The following EXOC6 variants were observed in gnomAD, a reference collection of about 807,000 sequenced individuals.
EXOC6 encodes exocyst complex component 6.
In EXOC6, 60 loss-of-function variants were observed where a neutral mutation model predicts 112.5. That is an observed-to-expected ratio of 0.53 (90% CI 0.43 to 0.66). The LOEUF (loss-of-function observed/expected upper bound fraction) is 0.66, where lower values mean the gene tolerates loss of function less well. EXOC6 is among the 30% of genes least tolerant of loss of function. The pLI, the probability that EXOC6 is intolerant of heterozygous loss-of-function variation, is 0.00. For synonymous variants in EXOC6, 295 were observed against 308.0 expected (o/e 0.96, Z 0.44); for missense variants, 855 against 957.1 (o/e 0.89, Z 1.41).
In EXOC6 at chr10:92,997,542, A is replaced by G. The variant is rs753585510; in HGVS notation, c.2022A>G (p.Leu674=). The change falls in exon 19 of 22, where the codon CTA becomes CTG. Residue 674 remains leucine (L), a synonymous_variant. Coordinates refer to ENST00000260762, the MANE Select transcript of EXOC6 (RefSeq NM_019053.6). ...TGTCAACATCCTTAATGCAGATGCT[A>G]CTGGACAGTGAGTTAAAACAAATAA... ...QHLSTSLMQM[L]LDSELKQISM... 5 of 1,613,726 alleles carry G rather than the reference A, an allele frequency of 3.1e-6. No homozygotes were observed. The highest frequency in any genetic ancestry group is 1.7e-5 in the Admixed American group (1 of 60,006).
chr10:92,858,260 A>C (rs1463172177), intron 1 of EXOC6, among the ~76,000 whole-genome samples: 1 of 152,062 alleles, frequency 6.6e-6, no homozygotes, highest in African/African-American at 2.4e-5. Flanking sequence ...ATGTAGGTTA[A>C]TGTTTTTCAT....
chr10:93,049,961 G>A (rs1181181501), intron 20 of EXOC6, among the ~76,000 whole-genome samples: 1 of 152,036 alleles, frequency 6.6e-6, no homozygotes, highest in Non-Finnish European at 1.5e-5. Context: ...TGAGATGGTT[G>A]CACAATTCTG....
intron 20 of EXOC6, among the ~76,000 whole-genome samples, chr10:93,039,447 C>T (rs757203720): frequency 2.0e-5 from 3 of 152,048 alleles, no homozygotes; most frequent in African/African-American, 2.4e-5. Flanking sequence ...AAAATCTAAC[C>T]CCTGGCTCCA....
At chr10:92,897,968 C>T (rs1173509514) in intron 4 of EXOC6, among the ~76,000 whole-genome samples, 1 of 152,190 alleles carries the variant, frequency 6.6e-6, no homozygotes, top group African/African-American at 2.4e-5. Flanking sequence ...GTGTCATGGG[C>T]ATGCCCTTAA....
chr10:92,958,625 C>G (rs1045352700), intron 17 of EXOC6, among the ~76,000 whole-genome samples: 9 of 152,216 alleles, frequency 5.9e-5, no homozygotes, highest in African/African-American at 2.2e-4. Flanking sequence ...TTCTTCCCAA[C>G]TTGATCTACA....
intron 20 of EXOC6, among the ~76,000 whole-genome samples, chr10:93,055,431 C>G (rs1846491508): frequency 6.6e-6 from 1 of 152,132 alleles, no homozygotes; most frequent in Admixed American, 6.5e-5. Context: ...CTCGAAGTTG[C>G]ATTCCAAGAA....
chr10:92,879,323 G>A (rs1489679139), intron 1 of EXOC6, among the ~76,000 whole-genome samples: 1 of 152,124 alleles, frequency 6.6e-6, no homozygotes, highest in African/African-American at 2.4e-5. Flanking sequence ...AAGAAAATTA[G>A]CTGGGCATGG....
chr10:92,956,729 G>A (rs1853714578), intron 17 of EXOC6, among the ~76,000 whole-genome samples: 1 of 152,014 alleles, frequency 6.6e-6, no homozygotes, highest in African/African-American at 2.4e-5. Flanking sequence ...AAACTTAGAA[G>A]CCTAAAAAAG....
At chr10:92,924,766 A>G (rs1321094706) in intron 8 of EXOC6, among the ~76,000 whole-genome samples, 1 of 152,092 alleles carries the variant, frequency 6.6e-6, no homozygotes, top group Non-Finnish European at 1.5e-5. Context: ...CTAGGCTTTT[A>G]GTGTACTTGT....
chr10:92,930,504 AAAT>A (rs10638557), intron 9 of EXOC6, among the ~76,000 whole-genome samples: 3 of 149,244 alleles, frequency 2.0e-5, no homozygotes, highest in African/African-American at 2.5e-5. Context: ...ACTCTGTCTC[AAAT>A]AATAATAATA....
At chr10:92,966,435 C>T (rs887909488) in intron 17 of EXOC6, among the ~76,000 whole-genome samples, 2 of 99,640 alleles carry the variant, frequency 2.0e-5, no homozygotes, top group Non-Finnish European at 3.9e-5. Flanking sequence ...TATCCCTCCC[C>T]CCTCCCCCCA....
In EXOC6 at chr10:92,911,237, C is replaced by T. The variant is rs563149031; in HGVS notation, c.663+1606C>T. ...TTTTTTTTCCCCCAAGTATTACAAA[C>T]TACTTTGGAAACTCCTAAGTCTTTC... On this transcript the variant is annotated intron_variant, in intron 6 of 21. Transcript: ENST00000260762. Among the ~76,000 whole-genome samples, 7 of 152,218 alleles carry T rather than the reference C, an allele frequency of 4.6e-5. No individual in the cohort carries two copies. The South Asian group carries it at 1.5e-3, about 32-fold the overall frequency.
At chr10:92,848,676 C>CG in intron 1 of EXOC6, 42 bp downstream of exon 1, 1 of 1,294,396 alleles carries the variant, frequency 7.7e-7, no homozygotes, top group Non-Finnish European at 1.0e-6. Context: ...CCCCGCCCCA[C>CG]GCCGGCCGCT....
intron 20 of EXOC6, among the ~76,000 whole-genome samples, chr10:93,017,925 A>C (rs980690721): frequency 2.6e-5 from 4 of 150,988 alleles, no homozygotes; most frequent in African/African-American, 9.7e-5. Flanking sequence ...CAGGGGAATC[A>C]CTTGAACTTG....
chr10:93,032,707 C>T (rs1440227513), intron 20 of EXOC6, among the ~76,000 whole-genome samples: 1 of 151,984 alleles, frequency 6.6e-6, no homozygotes, highest in Non-Finnish European at 1.5e-5. Flanking sequence ...TCTCACAGTC[C>T]CCCTTTGTTG....
chr10:92,997,717 G>A, intron 19 of EXOC6, 102 bp downstream of exon 19: 1 of 1,010,758 alleles, frequency 9.9e-7, no homozygotes, highest in Non-Finnish European at 1.3e-6. Context: ...GAGGGAGAAG[G>A]CCTGGTTCAG....
intron 20 of EXOC6, among the ~76,000 whole-genome samples, chr10:93,014,702 G>A (rs573966781): frequency 6.6e-6 from 1 of 152,006 alleles, no homozygotes; most frequent in African/African-American, 2.4e-5. Context: ...GGTAAAGAAT[G>A]CTATTTTTAT....
chr10:92,848,907 GGGCCCCGCGCTGC>G (rs1445102005), intron 1 of EXOC6, among the ~76,000 whole-genome samples: 1 of 152,056 alleles, frequency 6.6e-6, no homozygotes, highest in Non-Finnish European at 1.5e-5. Flanking sequence ...CTCTAACCCC[GGGCCCCGCGCTGC>G]GGCCCCGCGT....
Position 92,954,686 on chromosome 10 carries a change from C to G in EXOC6, c.1583C>G (p.Thr528Ser), listed in dbSNP as rs772031306. The change falls in exon 16 of 22, where the codon ACT becomes AGT. Residue 528 changes from threonine to serine, a missense_variant. Thr to Ser is a moderately conservative substitution (Grantham distance 58). Transcript: ENST00000260762. ...RKSTNLLLTR[T>S]LSSCLLNLIR... ...TCAACAAATCTGCTGCTGACCAGAA[C>G]TTTGAGTAGCTGTTTACTGAACCTT... 2 of 1,609,608 alleles carry G rather than the reference C, an allele frequency of 1.2e-6. No individual in the cohort carries two copies. The highest frequency in any genetic ancestry group is 1.7e-6 in the Non-Finnish European group (2 of 1,177,136).
Sources: gnomAD v4.1 joint callset for allele counts (sites outside exome capture counted in the v4.1 genomes callset) on GRCh38, gnomAD v4.1.1 for gene constraint, MANE v1.5 for transcripts, NCBI Gene and HGNC (gene_info 2026-07-23, HGNC 2026-07-21) for gene names.